CSMD3: variants seen among roughly 807,000 people sequenced by gnomAD.
The protein encoded by CSMD3 is CUB and Sushi multiple domains 3.
CSMD3 carries 177 observed loss-of-function variants against 435.2 expected under a neutral mutation model. The observed-to-expected ratio is 0.41, with a 90% CI of 0.36 to 0.46. The LOEUF is 0.46. Among genes scored for constraint, CSMD3 ranks in the 20% least tolerant of loss-of-function variants. The pLI, the probability that CSMD3 is intolerant of heterozygous loss-of-function variation, is 0.34. For missense variants in CSMD3, 4,265 were observed against 4,504.6 expected (o/e 0.95, Z 1.52); for synonymous variants, 1,656 against 1,520.5 (o/e 1.09, Z -2.07).
chr8:112,737,341 A>C (rs2077208086), intron 13 of CSMD3, among the ~76,000 whole-genome samples: 1 of 152,008 alleles, frequency 6.6e-6, no homozygotes, highest in Admixed American at 6.6e-5. Flanking sequence ...GGAACAATCC[A>C]AACTAGAGCT....
chr8:112,240,371 T>C (rs1382099498), intron 66 of CSMD3, among the ~76,000 whole-genome samples: 2 of 152,108 alleles, frequency 1.3e-5, no homozygotes, highest in East Asian at 1.9e-4. Flanking sequence ...ATTTGGGGCA[T>C]TGATGGACAA....
intron 10 of CSMD3, among the ~76,000 whole-genome samples, chr8:112,911,641 A>ATG (rs10609412): frequency 0.023 from 3,416 of 147,036 alleles, 66 homozygotes; most frequent in Non-Finnish European, 0.037. Flanking sequence ...GTACATATAT[A>ATG]TGTGTGTGTG....
intron 5 of CSMD3, among the ~76,000 whole-genome samples, chr8:113,053,439 A>C (rs2088183554): frequency 6.6e-6 from 1 of 152,030 alleles, no homozygotes; most frequent in African/African-American, 2.4e-5. Flanking sequence ...GTTTTTATAA[A>C]CATATATAAA....
intron 30 of CSMD3, among the ~76,000 whole-genome samples, chr8:112,499,531 G>A (rs191095222): frequency 6.6e-6 from 1 of 152,020 alleles, no homozygotes; most frequent in African/African-American, 2.4e-5. Flanking sequence ...AAATATTAAC[G>A]ATATAATAGA....
Position 113,334,289 on chromosome 8 carries a change from TTTTTTTCA to T in CSMD3, c.179-19504_179-19497del, listed in dbSNP as rs1435227058. 2.3e-4 allele frequency among the ~76,000 whole-genome samples: 21 copies of T among 91,924 alleles called. 1 individual carries two copies. The highest frequency in any genetic ancestry group is 4.9e-3 in the Middle Eastern group (1 of 206). 60.3% of individuals were successfully genotyped at this position (91,924 alleles called of 152,430 possible). A position where few individuals can be genotyped will look rare whatever the true frequency, so the allele number is the denominator to read the frequency against. ...AGGGATAGTTTAAGTTTTTTTTTTT[TTTTTTTCA>T]TTTCCAGCCTGTGTACCTGTTACAT... On this transcript the variant is annotated intron_variant, in intron 1 of 70. Transcript: ENST00000297405.
At chr8:113,233,315 C>A (rs1461551127) in intron 3 of CSMD3, among the ~76,000 whole-genome samples, 2 of 151,282 alleles carry the variant, frequency 1.3e-5, no homozygotes, top group East Asian at 3.9e-4. Context: ...TTGTGTCATG[C>A]AAGTAGTGAT....
chr8:112,396,141 T>C (rs758592386), intron 35 of CSMD3, among the ~76,000 whole-genome samples: 30 of 152,044 alleles, frequency 2.0e-4, no homozygotes, highest in Non-Finnish European at 3.8e-4. Context: ...TGTGCTTTAC[T>C]GTGACAGAAA....
At chr8:113,315,794 C>T (rs1010009232) in intron 1 of CSMD3, among the ~76,000 whole-genome samples, 1 of 151,490 alleles carries the variant, frequency 6.6e-6, no homozygotes, top group Non-Finnish European at 1.5e-5. Flanking sequence ...TCTCAGCTCA[C>T]TGCAACCTCT....
chr8:113,030,478 G>A (rs1398487257), intron 5 of CSMD3, among the ~76,000 whole-genome samples: 2 of 138,100 alleles, frequency 1.4e-5, no homozygotes, highest in African/African-American at 2.7e-5. Context: ...ACAAAATAGA[G>A]GATGCAGAAA....
intron 63 of CSMD3, among the ~76,000 whole-genome samples, chr8:112,253,517 G>GA: frequency 6.6e-6 from 1 of 152,042 alleles, no homozygotes; most frequent in East Asian, 1.9e-4. Flanking sequence ...ATTTCACACA[G>GA]AATAGCACAA....
Position 112,921,608 on chromosome 8 carries a change from CATT to C in CSMD3, c.1633+16_1633+18del, listed in dbSNP as rs751133713. On this transcript the variant is annotated intron_variant, in intron 10 of 70. Coordinates refer to ENST00000297405, the MANE Select transcript of CSMD3 (RefSeq NM_198123.2). ...AAACTATTAAAATGTGTTCAGAGGG[CATT>C]ATTATAAAACATTACCTTTACACAC... is the stretch of plus-strand genomic sequence containing the variant. 1.4e-5 allele frequency: 23 copies of C among 1,601,140 alleles called. No individual in the cohort carries two copies. The Admixed American group carries it at 2.3e-4, about 16-fold the overall frequency.
At chr8:112,454,234 C>T (rs1222678384) in intron 32 of CSMD3, among the ~76,000 whole-genome samples, 1 of 151,958 alleles carries the variant, frequency 6.6e-6, no homozygotes, top group Non-Finnish European at 1.5e-5. Context: ...GCAACAGAAA[C>T]AAAAATTGAC....
intron 1 of CSMD3, among the ~76,000 whole-genome samples, chr8:113,421,517 T>C (rs2094608587): frequency 6.6e-6 from 1 of 152,218 alleles, no homozygotes; most frequent in Admixed American, 6.5e-5. Flanking sequence ...ATGTTTACAT[T>C]GTATTTATTC....
chr8:112,310,994 T>C lies in CSMD3; in HGVS notation c.7869A>G (p.Pro2623=). Residue 2623 remains proline, a synonymous_variant, in exon 50 of 71, where the codon CCA becomes CCG. Transcript: ENST00000297405. ...SSYGYHAWDA[P]VPACQAISCG... is the part of the protein sequence containing the mutation. ...ATACTTCACCTTGACAGGCAGGGAC[T>C]GGCGCATCCCATGCATGATACCCAT... The C allele has an allele frequency of 6.2e-7, 1 of 1,613,984 alleles. No homozygotes were observed. Among genetic ancestry groups the C allele is most frequent in the Non-Finnish European group, 8.5e-7 (1 of 1,179,870 alleles).
At chr8:113,089,791 C>A (rs372632491) in intron 5 of CSMD3, among the ~76,000 whole-genome samples, 1 of 151,972 alleles carries the variant, frequency 6.6e-6, no homozygotes, top group Non-Finnish European at 1.5e-5. Flanking sequence ...TCTGCTTTCT[C>A]GAGAACTGAA....
chr8:112,703,986 T>C (rs2076445413), intron 13 of CSMD3, among the ~76,000 whole-genome samples: 1 of 152,080 alleles, frequency 6.6e-6, no homozygotes, highest in Non-Finnish European at 1.5e-5. Flanking sequence ...AACAATTTAA[T>C]AAAAATATGC....
intron 1 of CSMD3, among the ~76,000 whole-genome samples, chr8:113,383,799 A>G (rs1051126932): frequency 6.6e-6 from 1 of 152,132 alleles, no homozygotes; most frequent in African/African-American, 2.4e-5. Flanking sequence ...TTTTATTATC[A>G]GTAATTCTGG....
At chr8:112,405,195 A>AAAAAC (rs1831675077) in intron 35 of CSMD3, among the ~76,000 whole-genome samples, 1 of 39,838 alleles carries the variant, frequency 2.5e-5, no homozygotes, top group Non-Finnish European at 5.2e-5. Context: ...AAAAAAAAAA[A>AAAAAC]AAAAAAAAAA....
intron 47 of CSMD3, among the ~76,000 whole-genome samples, 158 bp downstream of exon 47, chr8:112,318,679 A>G (rs1178066055): frequency 6.6e-6 from 1 of 152,082 alleles, no homozygotes; most frequent in African/African-American, 2.4e-5. Flanking sequence ...ACAGTGGACT[A>G]TTTCTAAATG....
Sources: gnomAD v4.1 joint callset for allele counts (sites outside exome capture counted in the v4.1 genomes callset) on GRCh38, gnomAD v4.1.1 for gene constraint, MANE v1.5 for transcripts, NCBI Gene and HGNC (gene_info 2026-07-23, HGNC 2026-07-21) for gene names.